TMEM266: variants seen among roughly 807,000 people sequenced by gnomAD.
The protein encoded by TMEM266 is Hv1 related protein 1.
In TMEM266, 33 loss-of-function variants were observed where a neutral mutation model predicts 50.5. That is an observed-to-expected ratio of 0.65 (90% CI 0.50 to 0.87). TMEM266 has a LOEUF of 0.87. Among genes scored for constraint, TMEM266 ranks in the 40% least tolerant of loss-of-function variants. The probability of loss-of-function intolerance (pLI) is 0.00; values close to 1 mark genes in which losing one functional copy is unlikely to be tolerated. For missense variants in TMEM266, 655 were observed against 695.1 expected, an observed-to-expected ratio of 0.94 and a Z score of 0.65; for synonymous variants, 310 against 292.3, an observed-to-expected ratio of 1.06 and a Z score of -0.62.
At chr15:76,163,674 G>A (rs1216415263) in intron 5 of TMEM266, among the ~76,000 whole-genome samples, 2 of 152,140 alleles carry the variant, frequency 1.3e-5, no homozygotes, top group African/African-American at 4.8e-5. Context: ...AGTCCTTGGG[G>A]CCTCCTGGCC....
intron 1 of TMEM266, among the ~76,000 whole-genome samples, chr15:76,068,445 C>G (rs1394358919): frequency 6.6e-6 from 1 of 152,180 alleles, no homozygotes; most frequent in Non-Finnish European, 1.5e-5. Flanking sequence ...CTCCAAAGAT[C>G]ATATCCAATA....
At position 76,197,043 on chromosome 15, in the gene TMEM266, T is replaced by TGCA. The variant is rs749922844; in HGVS notation, c.958+4890_958+4892dup. Among the ~76,000 whole-genome samples, 78 of 152,338 alleles carry TGCA rather than the reference T, an allele frequency of 5.1e-4. 1 individual carries two copies. Among genetic ancestry groups the TGCA allele is most frequent in the South Asian group, 1.9e-3 (9 of 4,826 alleles). ...GGAACCTTCGCGTCCCCCACGCTGC[T>TGCA]GCAGCATCCAGAGACACTGCCGCAG... On this transcript the variant is annotated intron_variant, in intron 9 of 10. Transcript: ENST00000388942.
intron 1 of TMEM266, among the ~76,000 whole-genome samples, chr15:76,095,430 A>G (rs1196139066): frequency 6.6e-6 from 1 of 152,038 alleles, no homozygotes; most frequent in Non-Finnish European, 1.5e-5. Context: ...TGATTTGCAT[A>G]TGTTGAACCA....
At chr15:76,080,047 C>G (rs1338143766) in intron 1 of TMEM266, among the ~76,000 whole-genome samples, 1 of 151,690 alleles carries the variant, frequency 6.6e-6, no homozygotes, top group Admixed American at 6.6e-5. Context: ...TCTGTGTCAG[C>G]AATGACTTAA....
chr15:76,106,915 G>A (rs2037089968), intron 1 of TMEM266, among the ~76,000 whole-genome samples: 2 of 152,138 alleles, frequency 1.3e-5, no homozygotes, highest in South Asian at 4.1e-4. Context: ...CCCATGTTGT[G>A]TTCTTTCCTG....
chr15:76,170,860 G>A (rs754056049), intron 6 of TMEM266, 133 bp from the exon 7 acceptor site: 14 of 1,057,562 alleles, frequency 1.3e-5, no homozygotes, highest in South Asian at 3.4e-5. Context: ...GGGGCCACCC[G>A]GGGTGGGGTG....
At chr15:76,163,791 G>A (rs904498059) in intron 5 of TMEM266, among the ~76,000 whole-genome samples, 7 of 152,240 alleles carry the variant, frequency 4.6e-5, no homozygotes, top group Non-Finnish European at 1.0e-4. Context: ...CCTGGGAGAA[G>A]AGAAAGCGGA....
intron 1 of TMEM266, among the ~76,000 whole-genome samples, chr15:76,109,449 AT>A (rs2037134006): frequency 6.6e-6 from 1 of 152,202 alleles, no homozygotes; most frequent in South Asian, 2.1e-4. Context: ...ATAATTAAAC[AT>A]TTTTAAAGAC....
At chr15:76,076,289 T>C (rs1273605757) in intron 1 of TMEM266, among the ~76,000 whole-genome samples, 1 of 152,096 alleles carries the variant, frequency 6.6e-6, no homozygotes, top group Non-Finnish European at 1.5e-5. Context: ...CTTTCTCTTC[T>C]AGCTGAATGT....
At chr15:76,099,263 C>T (rs2036964717) in intron 1 of TMEM266, among the ~76,000 whole-genome samples, 1 of 152,212 alleles carries the variant, frequency 6.6e-6, no homozygotes, top group Non-Finnish European at 1.5e-5. Flanking sequence ...GACAGTGGGA[C>T]AAGTGCAGTA....
At chr15:76,154,007 A>G (rs2037885047) in intron 3 of TMEM266, among the ~76,000 whole-genome samples, 1 of 152,034 alleles carries the variant, frequency 6.6e-6, no homozygotes, top group African/African-American at 2.4e-5. Context: ...TGGCCTTCCC[A>G]TGCGCTTTTC....
At chr15:76,154,974 C>T (rs2037902871) in intron 3 of TMEM266, among the ~76,000 whole-genome samples, 1 of 152,224 alleles carries the variant, frequency 6.6e-6, no homozygotes, top group Non-Finnish European at 1.5e-5. Flanking sequence ...ACCCCATGTT[C>T]GGACCATCAG....
intron 1 of TMEM266, among the ~76,000 whole-genome samples, chr15:76,061,166 A>G (rs192143025): frequency 8.5e-5 from 13 of 152,212 alleles, no homozygotes; most frequent in Non-Finnish European, 1.5e-4. Context: ...AGAAGCAAAA[A>G]ATGAAAATGG....
At chr15:76,137,405 T>C (rs1384497212) in intron 2 of TMEM266, among the ~76,000 whole-genome samples, 1 of 152,178 alleles carries the variant, frequency 6.6e-6, no homozygotes. Context: ...CTGGCAGTTA[T>C]CCATCTGGGT....
chr15:76,189,712 C>T (rs548032216), intron 8 of TMEM266, among the ~76,000 whole-genome samples: 1 of 152,216 alleles, frequency 6.6e-6, no homozygotes, highest in African/African-American at 2.4e-5. Context: ...TGAGCTCCCC[C>T]ACCCTGCAAG....
Position 76,194,581 on chromosome 15 carries a change from G to A in TMEM266, c.958+2424G>A, listed in dbSNP as rs551069345. On this transcript the variant is annotated intron_variant, in intron 9 of 10. Coordinates refer to ENST00000388942, the MANE Select transcript of TMEM266 (RefSeq NM_152335.3). ...GAAGTGTATTGTCTCACAGTGCTGG[G>A]GGCTGGAACCTGAGATCAAGGTTGG... Among the ~76,000 whole-genome samples the A allele has an allele frequency of 5.3e-5, 8 of 152,286 alleles. No homozygotes were observed. In the South Asian group the frequency reaches 1.7e-3, roughly 32 times the overall value.
Position 76,204,007 on chromosome 15 carries a change from C to G in TMEM266, c.1288C>G (p.Pro430Ala). Residue 430 changes from proline (P) to alanine (A), a missense_variant, in exon 11 of 11, where the codon CCA (proline) becomes GCA (alanine). Pro to Ala is a conservative substitution (Grantham distance 27). Transcript: ENST00000388942. ...GCCCGGCCCTTCTCCCCCGCCGCTGCCATCCCAGCAGCAGGTGGAGGAGGC... is the reference window on the plus strand; with the variant it reads ...GCCCGGCCCTTCTCCCCCGCCGCTGGCATCCCAGCAGCAGGTGGAGGAGGC... 6.2e-7 allele frequency: 1 copy of G among 1,608,642 alleles called. No individual in the cohort carries two copies. The highest frequency in any genetic ancestry group is 1.1e-5 in the South Asian group (1 of 90,952).
At chr15:76,092,982 A>G (rs1454300682) in intron 1 of TMEM266, among the ~76,000 whole-genome samples, 2 of 150,800 alleles carry the variant, frequency 1.3e-5, no homozygotes, top group Non-Finnish European at 3.0e-5. Context: ...TAATTTTTGT[A>G]TTTTTAGTAG....
chr15:76,187,296 G>C (rs1023837864), intron 8 of TMEM266, among the ~76,000 whole-genome samples: 2 of 152,230 alleles, frequency 1.3e-5, no homozygotes, highest in African/African-American at 2.4e-5. Context: ...ATTCCAGCGG[G>C]ACATTCTTGG....
Sources: gnomAD v4.1 joint callset for allele counts (sites outside exome capture counted in the v4.1 genomes callset) on GRCh38, gnomAD v4.1.1 for gene constraint, MANE v1.5 for transcripts, NCBI Gene and HGNC (gene_info 2026-07-23, HGNC 2026-07-21) for gene names.